AKAP19: variants seen among roughly 807,000 people sequenced by gnomAD.
The protein encoded by AKAP19 is A-kinase anchoring protein 19.
chr2:190,183,711 T>C, the AKAP19 span, among the ~76,000 whole-genome samples: 1 of 152,126 alleles, frequency 6.6e-6, no homozygotes, highest in African/African-American at 2.4e-5. Flanking sequence ...CATGTTTTTA[T>C]AGAGGTTGTC....
chr2:189,925,270 C>T, the AKAP19 span, among the ~76,000 whole-genome samples: 1 of 151,372 alleles, frequency 6.6e-6, no homozygotes, highest in Non-Finnish European at 1.5e-5. Context: ...GGAATGTAAT[C>T]CTCGGTGGTT....
chr2:189,897,450 T>C, the AKAP19 span, among the ~76,000 whole-genome samples: 2 of 152,158 alleles, frequency 1.3e-5, no homozygotes, highest in Non-Finnish European at 2.9e-5. Flanking sequence ...ATAGTTAAAA[T>C]ATTATGTATT....
At chr2:190,133,491 A>G in the AKAP19 span, among the ~76,000 whole-genome samples, 1 of 152,168 alleles carries the variant, frequency 6.6e-6, no homozygotes, top group Non-Finnish European at 1.5e-5. Flanking sequence ...GTTAGTGTGA[A>G]AAGCAGTATG....
At chr2:190,175,953 G>A in the AKAP19 span, among the ~76,000 whole-genome samples, 1 of 152,174 alleles carries the variant, frequency 6.6e-6, no homozygotes, top group African/African-American at 2.4e-5. Flanking sequence ...GCTTCTTGTG[G>A]CATTTAGCTA....
chr2:190,010,952 A>G, the AKAP19 span, among the ~76,000 whole-genome samples: 3 of 150,528 alleles, frequency 2.0e-5, no homozygotes, highest in Non-Finnish European at 4.4e-5. Context: ...TATTTGGGAT[A>G]TGTGGCTATA....
chr2:189,938,406 T>A, the AKAP19 span, among the ~76,000 whole-genome samples: 1 of 150,782 alleles, frequency 6.6e-6, no homozygotes, highest in Admixed American at 6.6e-5. Context: ...TGAAAAAGAA[T>A]GAGATTCAGT....
chr2:190,061,818 C>CT, the AKAP19 span, among the ~76,000 whole-genome samples: 173 of 144,154 alleles, frequency 1.2e-3, no homozygotes, highest in East Asian at 5.2e-3. Context: ...CAGCAAGTTT[C>CT]TTTTTTTTTT....
At chr2:190,108,861 A>T in the AKAP19 span, among the ~76,000 whole-genome samples, 3 of 151,830 alleles carry the variant, frequency 2.0e-5, no homozygotes, top group East Asian at 1.9e-4. Context: ...ATAGGAGAAA[A>T]TATTTTCTCT....
At chr2:190,078,479 C>G in the AKAP19 span, among the ~76,000 whole-genome samples, 1 of 152,042 alleles carries the variant, frequency 6.6e-6, no homozygotes, top group Non-Finnish European at 1.5e-5. Context: ...TTTCTTCTTA[C>G]CTTTAGCCCA....
At chr2:190,181,028 C>G in the AKAP19 span, 3 of 985,584 alleles carry the variant, frequency 3.0e-6, no homozygotes, top group Non-Finnish European at 3.6e-6. Context: ...AGACCCGCCC[C>G]GGGCCTGAGC....
the AKAP19 span, among the ~76,000 whole-genome samples, chr2:190,086,105 C>G: frequency 3.9e-5 from 6 of 152,310 alleles, no homozygotes; most frequent in African/African-American, 1.4e-4. Flanking sequence ...ACTTGTGTTT[C>G]CCTTCCTCCA....
the AKAP19 span, among the ~76,000 whole-genome samples, chr2:189,955,128 T>C: frequency 3.3e-5 from 5 of 152,216 alleles, no homozygotes; most frequent in South Asian, 2.1e-4. Context: ...GTCTCCAGTG[T>C]TCATTATTTA....
the AKAP19 span, chr2:190,056,072 C>T: frequency 1.3e-5 from 2 of 152,486 alleles, no homozygotes; most frequent in African/African-American, 4.8e-5. Context: ...GAATGTTAAT[C>T]ATGTAAAAAA....
At chr2:190,018,007 T>C in the AKAP19 span, among the ~76,000 whole-genome samples, 1 of 152,224 alleles carries the variant, frequency 6.6e-6, no homozygotes, top group East Asian at 1.9e-4. Flanking sequence ...TGCTGAGAAA[T>C]CTGCTGATAG....
the AKAP19 span, among the ~76,000 whole-genome samples, chr2:189,889,145 GGGGTGTTGTATTTTGTCAAA>G: frequency 1.3e-5 from 2 of 150,584 alleles, no homozygotes; most frequent in African/African-American, 5.0e-5. Flanking sequence ...TTAGTATGAA[GGGGTGTTGTATTTTGTCAAA>G]GGCCTTTTCT....
the AKAP19 span, among the ~76,000 whole-genome samples, chr2:190,077,746 G>T: frequency 2.6e-5 from 4 of 152,184 alleles, no homozygotes; most frequent in African/African-American, 9.7e-5. Context: ...CCTTTGAAGA[G>T]TGTTGAAGTT....
chr2:190,175,379 G>T, the AKAP19 span, among the ~76,000 whole-genome samples: 1 of 152,184 alleles, frequency 6.6e-6, no homozygotes, highest in Non-Finnish European at 1.5e-5. Context: ...TAGACTGATG[G>T]TATAGTTGAC....
At chr2:190,181,282 G>A in the AKAP19 span, 4 of 397,760 alleles carry the variant, frequency 1.0e-5, no homozygotes, top group Non-Finnish European at 1.4e-5. Flanking sequence ...TCACATCTCC[G>A]TCCCCTAATC....
chr2:190,157,683 G>C, the AKAP19 span, among the ~76,000 whole-genome samples: 2 of 151,814 alleles, frequency 1.3e-5, no homozygotes, highest in Admixed American at 1.3e-4. Context: ...ATCCATTGTG[G>C]GAAAAATTTA....
Sources: allele counts gnomAD v4.1 joint callset (sites outside exome capture counted in the v4.1 genomes callset), GRCh38; gene constraint gnomAD v4.1.1; transcripts MANE v1.5; gene names NCBI Gene and HGNC (gene_info 2026-07-23, HGNC 2026-07-21).